Variants in NME9 observed in about 807,000 individuals in gnomAD.
NME9 encodes the protein thioredoxin domain-containing protein 6.
Under a neutral mutation model 44.4 loss-of-function variants are expected in NME9, and 48 were observed. The ratio of observed to expected loss-of-function variants is 1.08; its 90% CI spans 0.86 to 1.37. NME9 has a LOEUF of 1.37. NME9 is among the 40% of genes most tolerant of loss of function. NME9 has a pLI of 0.00. For missense variants in NME9, 325 were observed against 405.2 expected (o/e 0.80, Z 1.70); for synonymous variants, 139 against 147.1 (o/e 0.94, Z 0.40).
In NME9 at chr3:138,329,633, G is replaced by A; in HGVS notation, c.-298C>T. On this transcript the variant is annotated 5_prime_UTR_variant, in exon 1 of 11. Transcript: ENST00000333911. ...CCCCGGAGCCGGCCAGGGGGCGCGCGCAGAGGCCGGAGTCAGTGCGCCGGG... is the reference window on the plus strand; with the variant it reads ...CCCCGGAGCCGGCCAGGGGGCGCGCACAGAGGCCGGAGTCAGTGCGCCGGG... The A allele has an allele frequency of 7.8e-7, 1 of 1,283,056 alleles. No homozygotes were observed. Among genetic ancestry groups the A allele is most frequent in the Admixed American group, 4.0e-5 (1 of 24,854 alleles). The allele number at this position is 1,283,056 out of a possible 1,614,324, so 79.5% of individuals were successfully genotyped here.
intron 5 of NME9, 93 bp from the exon 6 acceptor site, chr3:138,314,500 CTCCA>C: frequency 1.3e-6 from 1 of 753,250 alleles, no homozygotes; most frequent in South Asian, 1.9e-5. Flanking sequence ...AAAAGCAAAG[CTCCA>C]AAACACAGAG....
chr3:138,274,336 T>C (rs960755961), intron 8 of NME9: 14 of 684,958 alleles, frequency 2.0e-5, no homozygotes, highest in Non-Finnish European at 3.0e-5. Context: ...CTATATGCTA[T>C]AGTGTTTTGC....
intron 8 of NME9, among the ~76,000 whole-genome samples, chr3:138,277,052 G>A (rs1183884870): frequency 1.3e-5 from 2 of 152,170 alleles, no homozygotes; most frequent in East Asian, 3.9e-4. Context: ...AATGAAGACA[G>A]TATGGTCTTA....
At chr3:138,270,098 C>G in intron 8 of NME9, 1 of 1,613,446 alleles carries the variant, frequency 6.2e-7, no homozygotes, top group Non-Finnish European at 8.5e-7. Flanking sequence ...AGTGAAAATC[C>G]TGCTTTACGA....
chr3:138,302,277 G>A (rs1240001350), intron 10 of NME9, among the ~76,000 whole-genome samples: 2 of 152,194 alleles, frequency 1.3e-5, no homozygotes, highest in Non-Finnish European at 2.9e-5. Flanking sequence ...TTCCCAGGAT[G>A]TGGTCTGCAG....
chr3:138,319,776 T>C (rs1048126045), intron 2 of NME9, among the ~76,000 whole-genome samples, 195 bp from the exon 3 acceptor site: 1 of 152,234 alleles, frequency 6.6e-6, no homozygotes, highest in African/African-American at 2.4e-5. Flanking sequence ...TCTTATGAAC[T>C]TGGTATACTG....
At chr3:138,322,609 C>T (rs1288655313) in intron 2 of NME9, among the ~76,000 whole-genome samples, 1 of 151,962 alleles carries the variant, frequency 6.6e-6, no homozygotes, top group African/African-American at 2.4e-5. Flanking sequence ...TTCCAAGATA[C>T]TGGTGGTTCA....
intron 2 of NME9, among the ~76,000 whole-genome samples, chr3:138,320,262 T>C (rs1314273232): frequency 1.3e-5 from 2 of 152,166 alleles, no homozygotes; most frequent in African/African-American, 4.8e-5. Context: ...CCAACTCCTG[T>C]CTACTGGATC....
chr3:138,311,085 T>C (rs949799114), intron 6 of NME9, among the ~76,000 whole-genome samples: 2 of 151,966 alleles, frequency 1.3e-5, no homozygotes, highest in Non-Finnish European at 2.9e-5. Context: ...CACAGAAATA[T>C]AAAGAATCAT....
chr3:138,285,908 G>A (rs1452346531), intron 8 of NME9, among the ~76,000 whole-genome samples: 2 of 151,818 alleles, frequency 1.3e-5, no homozygotes, highest in Non-Finnish European at 2.9e-5. Context: ...CATACCCATC[G>A]AGACATACCC....
intron 8 of NME9, among the ~76,000 whole-genome samples, chr3:138,270,504 A>G (rs1225320664): frequency 2.6e-5 from 4 of 152,184 alleles, no homozygotes; most frequent in African/African-American, 9.7e-5. Flanking sequence ...TACCAACCAG[A>G]GAGTTCTTAC....
intron 6 of NME9, among the ~76,000 whole-genome samples, chr3:138,312,664 A>G (rs776651004): frequency 7.2e-5 from 11 of 152,224 alleles, no homozygotes; most frequent in African/African-American, 2.7e-4. Flanking sequence ...AAAAGACAAC[A>G]TTGGGGAAAT....
Position 138,295,386 on chromosome 3 carries a change from C to G in NME9, c.745+8121G>C, listed in dbSNP as rs185928323. On this transcript the variant is annotated intron_variant, in intron 8 of 8. Coordinates refer to the NME9 transcript ENST00000317876. ...GCCTCATCCCATGGGCTCTTGGCCC[C>G]TTCCATGCACCTTCTAATCACCTCA... is the stretch of plus-strand genomic sequence containing the variant. Among the ~76,000 whole-genome samples, 17 of 152,346 alleles carry G rather than the reference C, an allele frequency of 1.1e-4. No individual in the cohort carries two copies. In the East Asian group the frequency reaches 2.7e-3, roughly 24 times the overall value.
At chr3:138,319,679 C>G (rs2053339929) in intron 2 of NME9, 98 bp from the exon 3 acceptor site, 1 of 680,646 alleles carries the variant, frequency 1.5e-6, no homozygotes, top group Admixed American at 2.3e-5. Context: ...CTCAAATGGA[C>G]ATTCATTTGC....
At chr3:138,274,357 T>C (rs1576931850) in intron 8 of NME9, 2 of 793,250 alleles carry the variant, frequency 2.5e-6, no homozygotes, top group East Asian at 2.5e-5. Context: ...ATGAAGCAGT[T>C]GTGAATCATA....
At chr3:138,306,283 A>G in intron 7 of NME9, 115 bp downstream of exon 7, 1 of 905,082 alleles carries the variant, frequency 1.1e-6, no homozygotes, top group Non-Finnish European at 1.8e-6. Flanking sequence ...TTGAGCTACA[A>G]CCCCTTAGAA....
chr3:138,262,282 A>C (rs950575407), exon 9 of NME9: 1 of 428,524 alleles, frequency 2.3e-6, no homozygotes, highest in South Asian at 3.7e-5. Context: ...GTGATTGTGC[A>C]TATCAGTAAG....
intron 8 of NME9, 103 bp from the exon 9 acceptor site, chr3:138,305,130 C>G (rs2052150063): frequency 2.7e-6 from 3 of 1,098,176 alleles, no homozygotes; most frequent in Non-Finnish European, 4.0e-6. Context: ...AGTTAGTGAG[C>G]AGCCTTGCTA....
chr3:138,299,375 A>G (rs138684711), downstream of NME9, among the ~76,000 whole-genome samples: 120 of 152,230 alleles, frequency 7.9e-4, no homozygotes, highest in African/African-American at 2.7e-3. Context: ...CATGGAGCCC[A>G]GCCTGCCCTC....
Sources: allele counts gnomAD v4.1 joint callset (sites outside exome capture counted in the v4.1 genomes callset), GRCh38; gene constraint gnomAD v4.1.1; transcripts MANE v1.5; gene names NCBI Gene and HGNC (gene_info 2026-07-23, HGNC 2026-07-21).